The following CLUL1 variants were observed in gnomAD, a reference collection of about 807,000 sequenced individuals.
CLUL1 encodes the protein clusterin-like protein 1.
A neutral mutation model predicts 49.4 loss-of-function variants in CLUL1; 43 were observed. The ratio of observed to expected loss-of-function variants is 0.87; its 90% CI spans 0.68 to 1.12. The LOEUF is 1.12. Ranked by LOEUF, CLUL1 falls within the 50% of genes most tolerant of loss-of-function variation. CLUL1 has a pLI of 0.00. For synonymous variants in CLUL1, 192 were observed against 184.9 expected, an observed-to-expected ratio of 1.04 and a Z score of -0.31; for missense variants, 486 against 544.4, an observed-to-expected ratio of 0.89 and a Z score of 1.07.
At chr18:628,974 A>G (rs1217101619) in intron 6 of CLUL1, among the ~76,000 whole-genome samples, 1 of 152,040 alleles carries the variant, frequency 6.6e-6, no homozygotes, top group African/African-American at 2.4e-5. Context: ...ACCCTATCTG[A>G]CTATTTTTCA....
At chr18:646,559 TAG>T (rs780939493) in intron 9 of CLUL1, among the ~76,000 whole-genome samples, 10 of 150,822 alleles carry the variant, frequency 6.6e-5, no homozygotes, top group Non-Finnish European at 1.5e-4. Context: ...AGGCAAGATT[TAG>T]AGAGTGCACA....
chr18:597,314 G>A (rs569268781), intron 1 of CLUL1, among the ~76,000 whole-genome samples, 185 bp downstream of exon 1: 1 of 150,016 alleles, frequency 6.7e-6, no homozygotes, highest in Non-Finnish European at 1.5e-5. Flanking sequence ...CTGCTTCAGA[G>A]GCTGCCAGCA....
chr18:623,197 T>C (rs2073555678), intron 4 of CLUL1, among the ~76,000 whole-genome samples: 1 of 152,110 alleles, frequency 6.6e-6, no homozygotes, highest in Non-Finnish European at 1.5e-5. Flanking sequence ...CATGACCAGC[T>C]AATTTTTGTA....
chr18:628,770 T>C (rs2073893277), intron 6 of CLUL1, among the ~76,000 whole-genome samples: 1 of 151,738 alleles, frequency 6.6e-6, no homozygotes, highest in Non-Finnish European at 1.5e-5. Context: ...TAGTGGGGAT[T>C]ACAGGTGCCC....
At chr18:623,101 T>A (rs182335971) in intron 4 of CLUL1, among the ~76,000 whole-genome samples, 3 of 151,636 alleles carry the variant, frequency 2.0e-5, no homozygotes, top group Admixed American at 2.0e-4. Context: ...GGCACGATCT[T>A]GGCTCACTGC....
chr18:622,493 A>T (rs576781375), intron 4 of CLUL1, among the ~76,000 whole-genome samples: 13 of 152,276 alleles, frequency 8.5e-5, no homozygotes, highest in Non-Finnish European at 1.3e-4. Flanking sequence ...ATAAACTGTC[A>T]TCTATAGGAA....
chr18:649,670 T>C (rs2144232737), intron 9 of CLUL1: 1 of 462,720 alleles, frequency 2.2e-6, no homozygotes, highest in Non-Finnish European at 3.8e-6. Flanking sequence ...AAGACCATCT[T>C]AGAGGCTCAA....
At chr18:626,907 GAAAGAAAGAAAGAAAGAAAGAAGGAAA>G (rs1567966463) in intron 5 of CLUL1, among the ~76,000 whole-genome samples, 163 bp from the exon 6 acceptor site, 7 of 25,180 alleles carry the variant, frequency 2.8e-4, no homozygotes, top group African/African-American at 1.2e-3. Flanking sequence ...AAGAAAGAAA[GAAAGAAAGAAAGAAAGAAAGAAGGAAA>G]GAAGGAAAGA....
At chr18:645,591 T>C (rs949042296) in intron 9 of CLUL1, among the ~76,000 whole-genome samples, 10 of 150,898 alleles carry the variant, frequency 6.6e-5, no homozygotes, top group South Asian at 2.1e-4. Context: ...GTCAGGAGAT[T>C]GAGACCATCC....
intron 1 of CLUL1, chr18:598,484 C>A: frequency 2.5e-6 from 1 of 398,506 alleles, no homozygotes; most frequent in South Asian, 1.3e-4. Flanking sequence ...CTGAGTTCCT[C>A]TCTAACATCC....
intron 6 of CLUL1, 134 bp from the exon 7 acceptor site, chr18:633,164 A>G: frequency 4.9e-6 from 3 of 616,772 alleles, no homozygotes; most frequent in Admixed American, 3.6e-5. Context: ...TCAAAAATAA[A>G]TAAATTAAAT....
chr18:633,356 T>TG lies in CLUL1; in HGVS notation c.919dup (p.Glu307GlyfsTer3). On this transcript the variant is annotated frameshift_variant, in exon 7 of 10. Coordinates refer to ENST00000692774, the MANE Select transcript of CLUL1 (RefSeq NM_001393344.1). LOFTEE classifies it high-confidence loss of function. The stretch of plus-strand genomic sequence containing the variant: ...TACCTGGGCAGGACAGAGGACTGTG[T>TG]GGGGAACTTGACCAGAATTTGTCAA... The TG allele has an allele frequency of 6.2e-7, 1 of 1,613,856 alleles. No homozygotes were observed. Among genetic ancestry groups the TG allele is most frequent in the Non-Finnish European group, 8.5e-7 (1 of 1,179,746 alleles).
At chr18:644,845 T>A (rs2074427735) in intron 8 of CLUL1, 65 bp from the exon 9 acceptor site, 1 of 1,291,452 alleles carries the variant, frequency 7.7e-7, no homozygotes, top group African/African-American at 1.5e-5. Flanking sequence ...TAAGGTGGTA[T>A]TAAATTACTA....
At chr18:602,752 G>C (rs532954636) in intron 1 of CLUL1, among the ~76,000 whole-genome samples, 3 of 152,190 alleles carry the variant, frequency 2.0e-5, no homozygotes, top group Admixed American at 1.3e-4. Flanking sequence ...ATAAGTAAAT[G>C]CATCTTGAGC....
At chr18:642,331 C>T (rs1303194242) in intron 8 of CLUL1, among the ~76,000 whole-genome samples, 2 of 152,132 alleles carry the variant, frequency 1.3e-5, no homozygotes, top group Non-Finnish European at 2.9e-5. Flanking sequence ...ACTCAGGAGG[C>T]TGAGGCAGGA....
chr18:626,900 A>G (rs1422017267), intron 5 of CLUL1, among the ~76,000 whole-genome samples, 197 bp from the exon 6 acceptor site: 4 of 568 alleles, frequency 7.0e-3, no homozygotes, highest in African/African-American at 7.5e-3. Flanking sequence ...AGAAAGAAAG[A>G]AAGAAAGAAA....
At chr18:599,004 A>G (rs959219538) in intron 1 of CLUL1, among the ~76,000 whole-genome samples, 1 of 152,212 alleles carries the variant, frequency 6.6e-6, no homozygotes, top group Non-Finnish European at 1.5e-5. Flanking sequence ...AATGAGTACA[A>G]TTATTAGCTA....
At chr18:634,617 A>G (rs2074090033) in intron 7 of CLUL1, among the ~76,000 whole-genome samples, 1 of 152,126 alleles carries the variant, frequency 6.6e-6, no homozygotes, top group Admixed American at 6.5e-5. Flanking sequence ...GCCCCCAACC[A>G]TGAAAGAAAC....
chr18:603,600 G>A (rs579051), intron 1 of CLUL1, among the ~76,000 whole-genome samples: 57,149 of 151,970 alleles, frequency 0.38, 11,727 homozygotes, highest in African/African-American at 0.55. Context: ...AAACAATCAA[G>A]TGACATTGCT....
Sources: gnomAD v4.1 joint callset for allele counts (sites outside exome capture counted in the v4.1 genomes callset) on GRCh38, gnomAD v4.1.1 for gene constraint, MANE v1.5 for transcripts, NCBI Gene and HGNC (gene_info 2026-07-23, HGNC 2026-07-21) for gene names.